Variants in GRID1 observed in about 807,000 individuals in gnomAD.
GRID1 encodes glutamate receptor ionotropic, delta-1.
In GRID1, 28 loss-of-function variants were observed where a neutral mutation model predicts 98.0. That is an observed-to-expected ratio of 0.29 (90% CI 0.21 to 0.39). The LOEUF is 0.39. GRID1 is among the 10% of genes least tolerant of loss of function. The pLI is 1.00. For synonymous variants in GRID1, 553 were observed against 538.5 expected, an observed-to-expected ratio of 1.03 and a Z score of -0.37; for missense variants, 1,111 against 1,340.5, an observed-to-expected ratio of 0.83 and a Z score of 2.67.
At chr10:86,244,295 CG>C (rs909122599) in intron 2 of GRID1, among the ~76,000 whole-genome samples, 1 of 152,188 alleles carries the variant, frequency 6.6e-6, no homozygotes, top group Non-Finnish European at 1.5e-5. Flanking sequence ...GGCAGAGTTG[CG>C]GGGCCTGCTG....
chr10:85,857,340 T>C (rs1042743245), intron 6 of GRID1, among the ~76,000 whole-genome samples: 3 of 152,092 alleles, frequency 2.0e-5, no homozygotes, highest in Admixed American at 6.5e-5. Context: ...GCCCAACCCA[T>C]GTGTGGGGTC....
intron 13 of GRID1, among the ~76,000 whole-genome samples, chr10:85,642,314 C>T (rs895249790): frequency 6.6e-5 from 10 of 152,174 alleles, no homozygotes; most frequent in African/African-American, 2.2e-4. Context: ...TTTCCTTAGG[C>T]CTGATAAGTG....
chr10:85,786,784 T>G (rs1331323580), intron 8 of GRID1, among the ~76,000 whole-genome samples: 1 of 152,190 alleles, frequency 6.6e-6, no homozygotes, highest in East Asian at 1.9e-4. Context: ...GAAGGAGATT[T>G]GTGCAGAAGG....
At chr10:85,618,248 T>G (rs765490166) in intron 14 of GRID1, among the ~76,000 whole-genome samples, 1 of 152,166 alleles carries the variant, frequency 6.6e-6, no homozygotes, top group African/African-American at 2.4e-5. Flanking sequence ...GGGGCCCCTG[T>G]GCTTCCATGA....
At chr10:86,055,373 C>G (rs1397737376) in intron 4 of GRID1, among the ~76,000 whole-genome samples, 1 of 151,946 alleles carries the variant, frequency 6.6e-6, no homozygotes. Flanking sequence ...CCTTAACCAC[C>G]CAGTGTGATG....
intron 8 of GRID1, among the ~76,000 whole-genome samples, chr10:85,817,709 T>C (rs1028480696): frequency 6.6e-6 from 1 of 152,032 alleles, no homozygotes; most frequent in Admixed American, 6.5e-5. Flanking sequence ...CTGGCCAACA[T>C]GGTGAAACCC....
intron 2 of GRID1, among the ~76,000 whole-genome samples, chr10:86,344,446 C>A (rs539261514): frequency 6.6e-6 from 1 of 152,282 alleles, no homozygotes; most frequent in South Asian, 2.1e-4. Context: ...ACCTGCCTTC[C>A]CCCCAGCCAA....
At chr10:86,137,321 A>G (rs940666465) in intron 4 of GRID1, among the ~76,000 whole-genome samples, 7 of 152,232 alleles carry the variant, frequency 4.6e-5, no homozygotes, top group African/African-American at 1.7e-4. Flanking sequence ...TAAGACGGTG[A>G]TGCAAATGGC....
At chr10:85,976,988 C>A (rs1842481119) in intron 4 of GRID1, among the ~76,000 whole-genome samples, 1 of 152,222 alleles carries the variant, frequency 6.6e-6, no homozygotes, top group Admixed American at 6.5e-5. Context: ...AAGCACTGGC[C>A]TGTGGGTTCC....
chr10:86,033,392 G>A (rs1393380905), intron 4 of GRID1, among the ~76,000 whole-genome samples: 1 of 152,172 alleles, frequency 6.6e-6, no homozygotes, highest in Non-Finnish European at 1.5e-5. Flanking sequence ...AAGCCCATGA[G>A]GATGAATGAT....
At chr10:86,322,219 C>A (rs891698644) in intron 2 of GRID1, among the ~76,000 whole-genome samples, 20 of 152,126 alleles carry the variant, frequency 1.3e-4, no homozygotes, top group Middle Eastern at 6.8e-3. Context: ...CACAAAAACC[C>A]AGAGATGGAA....
chr10:86,132,163 G>A (rs117757617), intron 4 of GRID1, among the ~76,000 whole-genome samples: 91 of 152,212 alleles, frequency 6.0e-4, no homozygotes, highest in African/African-American at 9.9e-4. Context: ...GGCTGACACC[G>A]GGACAGAGCT....
At chr10:85,832,015 TA>T (rs1842871357) in intron 8 of GRID1, among the ~76,000 whole-genome samples, 2 of 151,782 alleles carry the variant, frequency 1.3e-5, no homozygotes, top group Non-Finnish European at 2.9e-5. Flanking sequence ...TTGAAAAGAA[TA>T]AAGGGATGAA....
At chr10:85,997,751 A>T (rs942295723) in intron 4 of GRID1, among the ~76,000 whole-genome samples, 1 of 152,182 alleles carries the variant, frequency 6.6e-6, no homozygotes, top group African/African-American at 2.4e-5. Flanking sequence ...AAATGGTCTA[A>T]ACATATCGAT....
At chr10:86,264,564 G>A (rs1251654783) in intron 2 of GRID1, 1 of 441,100 alleles carries the variant, frequency 2.3e-6, no homozygotes, top group Admixed American at 2.4e-5. Flanking sequence ...TCCACCTGGA[G>A]AGCAAGGTTT....
intron 4 of GRID1, among the ~76,000 whole-genome samples, chr10:86,005,778 G>C (rs765544854): frequency 3.9e-5 from 6 of 152,176 alleles, no homozygotes; most frequent in African/African-American, 1.4e-4. Context: ...TGATATGGAA[G>C]GGTAAGTGAC....
At chr10:85,731,799 CAAAAAAA>C (rs554781772) in intron 8 of GRID1, among the ~76,000 whole-genome samples, 1 of 63,784 alleles carries the variant, frequency 1.6e-5, no homozygotes, top group Non-Finnish European at 3.1e-5. Context: ...GAGACCCTGA[CAAAAAAA>C]AAAAAAAGAA....
chr10:86,164,975 G>A (rs761912375), intron 3 of GRID1, among the ~76,000 whole-genome samples: 11 of 152,230 alleles, frequency 7.2e-5, no homozygotes, highest in Non-Finnish European at 1.3e-4. Context: ...GCAAAGAACA[G>A]TGGACAGAAG....
intron 5 of GRID1, among the ~76,000 whole-genome samples, chr10:85,877,171 T>C (rs1843342542): frequency 6.6e-6 from 1 of 152,236 alleles, no homozygotes; most frequent in African/African-American, 2.4e-5. Context: ...GCTCCACCTC[T>C]GGGGGCAGGG....
Sources: gnomAD v4.1 joint callset for allele counts (sites outside exome capture counted in the v4.1 genomes callset) on GRCh38, gnomAD v4.1.1 for gene constraint, MANE v1.5 for transcripts, NCBI Gene and HGNC (gene_info 2026-07-23, HGNC 2026-07-21) for gene names.